The following COL22A1 variants were observed in gnomAD, a reference collection of about 807,000 sequenced individuals.
COL22A1 encodes collagen type XXII alpha 1 chain, also known as collagen alpha-1(XXII) chain.
COL22A1 carries 221 observed loss-of-function variants against 248.9 expected under a neutral mutation model. The observed-to-expected ratio is 0.89, with a 90% confidence interval of 0.80 to 0.99. COL22A1 has a LOEUF of 0.99. Among genes scored for constraint, COL22A1 ranks in the 50% least tolerant of loss-of-function variants. The pLI is 0.00. For synonymous variants in COL22A1, 891 were observed against 793.4 expected, an observed-to-expected ratio of 1.12 and a Z score of -2.07; for missense variants, 2,240 against 2,179.0, an observed-to-expected ratio of 1.03 and a Z score of -0.56.
chr8:138,802,486 G>A (rs1287249326), intron 11 of COL22A1, among the ~76,000 whole-genome samples: 1 of 151,910 alleles, frequency 6.6e-6, no homozygotes. Flanking sequence ...CATGAGCCAA[G>A]CAGGAAGGCA....
chr8:138,663,777 A>C, intron 41 of COL22A1, 37 bp from the exon 42 acceptor site: 1 of 1,539,200 alleles, frequency 6.5e-7, no homozygotes, highest in Middle Eastern at 1.7e-4. Flanking sequence ...GCAAAGTAGA[A>C]ATGGCATGCT....
At chr8:138,900,159 C>A (rs979565692) in intron 1 of COL22A1, among the ~76,000 whole-genome samples, 1 of 152,122 alleles carries the variant, frequency 6.6e-6, no homozygotes, top group Non-Finnish European at 1.5e-5. Flanking sequence ...GGATTTAGTC[C>A]CAGGCCATTA....
chr8:138,745,573 T>C (rs973669677), intron 22 of COL22A1, among the ~76,000 whole-genome samples: 1 of 152,162 alleles, frequency 6.6e-6, no homozygotes, highest in African/African-American at 2.4e-5. Flanking sequence ...TAAAAATAAA[T>C]AAGAAAAAGT....
At chr8:138,802,490 G>A (rs867567299) in intron 11 of COL22A1, among the ~76,000 whole-genome samples, 27 of 151,960 alleles carry the variant, frequency 1.8e-4, no homozygotes, top group African/African-American at 6.0e-4. Context: ...AGCCAAGCAG[G>A]AAGGCATGGG....
intron 1 of COL22A1, among the ~76,000 whole-genome samples, chr8:138,886,822 T>C (rs1202213027): frequency 1.3e-5 from 2 of 152,222 alleles, no homozygotes; most frequent in Admixed American, 6.5e-5. Flanking sequence ...GTGGTCATGC[T>C]GGGATTTGAC....
At chr8:138,897,391 A>G (rs1476281291) in intron 1 of COL22A1, among the ~76,000 whole-genome samples, 1 of 152,044 alleles carries the variant, frequency 6.6e-6, no homozygotes, top group Non-Finnish European at 1.5e-5. Flanking sequence ...ACTTAAAAAA[A>G]TACAAACATT....
chr8:138,885,981 C>A (rs1824636672), intron 1 of COL22A1, among the ~76,000 whole-genome samples: 1 of 152,112 alleles, frequency 6.6e-6, no homozygotes, highest in Admixed American at 6.5e-5. Flanking sequence ...TTTCCAACAA[C>A]CCATTAGGTT....
intron 34 of COL22A1, among the ~76,000 whole-genome samples, chr8:138,694,175 C>A (rs1827307608): frequency 6.6e-6 from 1 of 152,222 alleles, no homozygotes; most frequent in Non-Finnish European, 1.5e-5. Flanking sequence ...CCTCTGGGAA[C>A]CAAGGTGCCC....
intron 12 of COL22A1, among the ~76,000 whole-genome samples, chr8:138,783,852 C>T (rs1586736204): frequency 1.3e-5 from 2 of 152,280 alleles, no homozygotes; most frequent in Admixed American, 1.3e-4. Context: ...TTCTTGAAGG[C>T]TTACTCATGC....
intron 30 of COL22A1, among the ~76,000 whole-genome samples, chr8:138,707,696 A>T (rs1466256481): frequency 6.6e-6 from 1 of 152,160 alleles, no homozygotes; most frequent in Admixed American, 6.5e-5. Context: ...ATGGGCAAAA[A>T]CTGGAAGCAC....
At chr8:138,802,757 C>T (rs578130648) in intron 11 of COL22A1, 115 bp downstream of exon 11, 9 of 811,404 alleles carry the variant, frequency 1.1e-5, no homozygotes, top group Admixed American at 7.2e-5. Flanking sequence ...GGGAGTAGTG[C>T]CTGGCCCCTG....
intron 53 of COL22A1, among the ~76,000 whole-genome samples, chr8:138,617,703 T>C (rs192516245): frequency 6.6e-6 from 1 of 152,338 alleles, no homozygotes; most frequent in East Asian, 1.9e-4. Flanking sequence ...GATTGCCATA[T>C]GCTCTTAAGT....
intron 16 of COL22A1, among the ~76,000 whole-genome samples, chr8:138,767,923 C>A (rs570277508): frequency 6.6e-6 from 1 of 152,354 alleles, no homozygotes; most frequent in African/African-American, 2.4e-5. Flanking sequence ...TTCTCCCTCA[C>A]ATACAGTAAA....
At chr8:138,815,341 G>A (rs556188851) in intron 7 of COL22A1, among the ~76,000 whole-genome samples, 7 of 152,270 alleles carry the variant, frequency 4.6e-5, no homozygotes, top group Admixed American at 3.3e-4. Context: ...AGCAAGGACC[G>A]AATCCCAGGC....
chr8:138,866,896 G>A (rs1216335725), intron 3 of COL22A1, among the ~76,000 whole-genome samples: 2 of 152,162 alleles, frequency 1.3e-5, no homozygotes, highest in Admixed American at 6.5e-5. Flanking sequence ...TACATGGAAG[G>A]GAAGAGAAGA....
chr8:138,779,537 G>T lies in COL22A1; in HGVS notation c.1676C>A (p.Pro559Gln). Residue 559 changes from proline to glutamine, a missense_variant, in exon 14 of 65, where the codon CCG (proline) becomes CAG (glutamine). Physicochemically the swap from Pro to Gln is moderately conservative, Grantham distance 76 (BLOSUM62 -1). Transcript: ENST00000303045. ...MRGEPGELGE[P>Q]GLPGEVGMRG... is the part of the protein sequence containing the mutation. ...CATGCCGACCTCACCCGGCAGCCCC[G>T]GCTCTCCCAGCTCTCCTGGCTCCCC... The T allele has an allele frequency of 1.2e-6, 2 of 1,613,464 alleles. No individual in the cohort carries two copies. The highest frequency in any genetic ancestry group is 2.2e-5 in the East Asian group (1 of 44,868).
At chr8:138,723,585 A>C (rs1830068319) in intron 25 of COL22A1, among the ~76,000 whole-genome samples, 1 of 152,116 alleles carries the variant, frequency 6.6e-6, no homozygotes, top group South Asian at 2.1e-4. Flanking sequence ...GGGATTGCTC[A>C]TGTGTTTGAG....
chr8:138,809,025 C>G (rs1817955419), intron 9 of COL22A1, among the ~76,000 whole-genome samples: 1 of 151,926 alleles, frequency 6.6e-6, no homozygotes. Context: ...GCTCTGCCTC[C>G]TAGGAGAAAA....
intron 3 of COL22A1, among the ~76,000 whole-genome samples, chr8:138,856,805 G>T (rs1355620959): frequency 2.0e-5 from 3 of 152,158 alleles, no homozygotes; most frequent in Admixed American, 6.5e-5. Context: ...TCCTGCCAGC[G>T]CCTTCTAGGG....
Sources: gnomAD v4.1 joint callset for allele counts (sites outside exome capture counted in the v4.1 genomes callset) on GRCh38, gnomAD v4.1.1 for gene constraint, MANE v1.5 for transcripts, NCBI Gene and HGNC (gene_info 2026-07-23, HGNC 2026-07-21) for gene names.